The following DEPDC5 variants were observed in gnomAD, a reference collection of about 807,000 sequenced individuals.
The protein encoded by DEPDC5 is DEP domain containing 5, GATOR1 subcomplex subunit, also known as GATOR1 complex protein DEPDC5.
A neutral mutation model predicts 217.3 loss-of-function variants in DEPDC5; 73 were observed. The observed-to-expected ratio is 0.34, with a 90% confidence interval of 0.28 to 0.41. The LOEUF is 0.41. Among genes scored for constraint, DEPDC5 ranks in the 10% least tolerant of loss-of-function variants. The pLI, the probability that DEPDC5 is intolerant of heterozygous loss-of-function variation, is 1.00. For synonymous variants in DEPDC5, 733 were observed against 756.7 expected (o/e 0.97, Z 0.51); for missense variants, 1,675 against 2,070.1 (o/e 0.81, Z 3.70).
At chr22:31,778,301 A>G in intron 8 of DEPDC5, 133 bp downstream of exon 8, 1 of 851,448 alleles carries the variant, frequency 1.2e-6, no homozygotes, top group Non-Finnish European at 1.9e-6. Flanking sequence ...AGTTCAAGAC[A>G]AGCCTGGGCA....
intron 38 of DEPDC5, among the ~76,000 whole-genome samples, chr22:31,883,981 C>A (rs1237807977): frequency 6.6e-6 from 1 of 152,142 alleles, no homozygotes; most frequent in African/African-American, 2.4e-5. Flanking sequence ...TTGACCCCCA[C>A]CAGGACCTGT....
intron 31 of DEPDC5, among the ~76,000 whole-genome samples, chr22:31,851,462 A>G (rs1015002163): frequency 6.6e-6 from 1 of 152,196 alleles, no homozygotes; most frequent in African/African-American, 2.4e-5. Flanking sequence ...CAGCTAGATC[A>G]GGTTCCTCCC....
intron 20 of DEPDC5, chr22:31,814,372 A>T (rs1287724874): frequency 6.5e-6 from 1 of 153,068 alleles, no homozygotes; most frequent in Non-Finnish European, 1.5e-5. Flanking sequence ...TCTAATAGCC[A>T]GTGCATAGTC....
chr22:31,876,195 C>G lies in DEPDC5; in HGVS notation c.3735C>G (p.Gly1245=). ...AGCAGCTCATCACACATGCATCTGG[C>G]GAAGCCTGGCGGACCTTCATCTACG... The part of the protein sequence containing the change: ...LEEQLITHAS[G]EAWRTFIYGF... Residue 1245 remains glycine, a synonymous_variant, in exon 37 of 43, where the codon GGC becomes GGG. Coordinates refer to ENST00000651528, the MANE Select transcript of DEPDC5 (RefSeq NM_001242896.3). 1 of 1,614,078 alleles carries G rather than the reference C, an allele frequency of 6.2e-7. No homozygotes were observed. Among genetic ancestry groups the G allele is most frequent in the Non-Finnish European group, 8.5e-7 (1 of 1,179,994 alleles).
chr22:31,836,316 ACT>A (rs983027386), intron 25 of DEPDC5, among the ~76,000 whole-genome samples: 1 of 151,960 alleles, frequency 6.6e-6, no homozygotes, highest in African/African-American at 2.4e-5. Flanking sequence ...AGGCTGAGAA[ACT>A]CTGCTTTAAC....
At chr22:31,905,172 G>C (rs1450475440) in intron 41 of DEPDC5, among the ~76,000 whole-genome samples, 1 of 152,046 alleles carries the variant, frequency 6.6e-6, no homozygotes, top group Non-Finnish European at 1.5e-5. Context: ...GAGAGCCCCA[G>C]CTTGGCGTTC....
chr22:31,789,002 T>G (rs1333807538), intron 10 of DEPDC5, among the ~76,000 whole-genome samples: 1 of 152,172 alleles, frequency 6.6e-6, no homozygotes, highest in Non-Finnish European at 1.5e-5. Context: ...GTACAAGCGA[T>G]TCTCGTCCCT....
intron 31 of DEPDC5, among the ~76,000 whole-genome samples, chr22:31,851,066 C>CA (rs136861): frequency 0.011 from 1,233 of 115,222 alleles, 16 homozygotes; most frequent in African/African-American, 0.035. Flanking sequence ...GACTCCGTCT[C>CA]AAAAAAAAAA....
chr22:31,863,248 C>T (rs1257036819), intron 33 of DEPDC5, among the ~76,000 whole-genome samples: 2 of 152,208 alleles, frequency 1.3e-5, no homozygotes, highest in Non-Finnish European at 2.9e-5. Context: ...CTCACTGCCA[C>T]CTCCACCTCG....
At chr22:31,767,655 C>T (rs997568555) in intron 6 of DEPDC5, among the ~76,000 whole-genome samples, 1 of 151,994 alleles carries the variant, frequency 6.6e-6, no homozygotes, top group African/African-American at 2.4e-5. Flanking sequence ...TGGTCTTGAA[C>T]TCCTGACCTC....
At chr22:31,821,924 C>T (rs572854081) in intron 23 of DEPDC5, among the ~76,000 whole-genome samples, 2 of 152,272 alleles carry the variant, frequency 1.3e-5, no homozygotes, top group Non-Finnish European at 2.9e-5. Flanking sequence ...AAACCTCAGT[C>T]AAAGGTGAAT....
chr22:31,870,691 C>T lies in DEPDC5; in HGVS notation c.3432C>T (p.Asn1144=). 1 of 1,602,888 alleles carries T rather than the reference C, an allele frequency of 6.2e-7. No homozygotes were observed. The highest frequency in any genetic ancestry group is 1.1e-5 in the South Asian group (1 of 88,930). Residue 1144 remains asparagine, a synonymous_variant, in exon 34 of 43, where the codon AAC becomes AAT. Coordinates refer to ENST00000651528, the MANE Select transcript of DEPDC5 (RefSeq NM_001242896.3). ...MDRGNSQTFG[N]SQNIGEQGYS... ...GAGGCAACAGCCAGACCTTTGGGAACTCCCAGAACATAGGAGAACAGGGCT... is the reference window on the plus strand; with the variant it reads ...GAGGCAACAGCCAGACCTTTGGGAATTCCCAGAACATAGGAGAACAGGGCT...
At chr22:31,824,369 T>G (rs59604916) in intron 24 of DEPDC5, among the ~76,000 whole-genome samples, 3,140 of 150,662 alleles carry the variant, frequency 0.021, 112 homozygotes, top group Admixed American at 0.081. Flanking sequence ...AAAAGAAAGG[T>G]GTCATGAAAA....
intron 31 of DEPDC5, among the ~76,000 whole-genome samples, chr22:31,849,478 C>T (rs921527249): frequency 6.6e-6 from 1 of 151,912 alleles, no homozygotes; most frequent in Non-Finnish European, 1.5e-5. Flanking sequence ...AAGGGAAGCC[C>T]CTTGTAAAAT....
chr22:31,854,111 CCTCATGTATGTT>C (rs919656571), intron 31 of DEPDC5, among the ~76,000 whole-genome samples: 24 of 152,274 alleles, frequency 1.6e-4, no homozygotes, highest in South Asian at 4.1e-4. Context: ...CTGAGCATGC[CCTCATGTATGTT>C]CTCATGTATG....
intron 26 of DEPDC5, 127 bp from the exon 27 acceptor site, chr22:31,838,558 T>G: frequency 1.6e-6 from 2 of 1,276,352 alleles, no homozygotes; most frequent in Non-Finnish European, 1.1e-6. Flanking sequence ...GCTCAAACTG[T>G]TAGTTTTATG....
At chr22:31,823,054 A>G in intron 24 of DEPDC5, 2 of 416,236 alleles carry the variant, frequency 4.8e-6, no homozygotes, top group South Asian at 4.3e-5. Context: ...GCTTAGGAGC[A>G]TAGTATTGAG....
At chr22:31,888,151 G>T (rs988621529) in intron 38 of DEPDC5, among the ~76,000 whole-genome samples, 1 of 151,608 alleles carries the variant, frequency 6.6e-6, no homozygotes, top group Non-Finnish European at 1.5e-5. Flanking sequence ...CTGGGAAGCA[G>T]CAGGAGCATC....
intron 10 of DEPDC5, among the ~76,000 whole-genome samples, chr22:31,787,588 T>C (rs1409218726): frequency 6.6e-6 from 1 of 152,014 alleles, no homozygotes; most frequent in Admixed American, 6.6e-5. Flanking sequence ...GGGAGAATCG[T>C]GTGAAGCCAA....
Sources: allele counts gnomAD v4.1 joint callset (sites outside exome capture counted in the v4.1 genomes callset), GRCh38; gene constraint gnomAD v4.1.1; transcripts MANE v1.5; gene names NCBI Gene and HGNC (gene_info 2026-07-23, HGNC 2026-07-21).